Variants in ANK3 observed in about 807,000 individuals in gnomAD.
ANK3 encodes the protein ankyrin-3.
In ANK3, 57 loss-of-function variants were observed where a neutral mutation model predicts 370.9. That is an observed-to-expected ratio of 0.15 (90% confidence interval 0.12 to 0.19). The LOEUF is 0.19. Ranked by LOEUF, ANK3 falls within the 10% of genes least tolerant of loss-of-function variation. ANK3 has a pLI of 1.00. For synonymous variants in ANK3, 1,929 were observed against 1,946.3 expected (o/e 0.99, Z 0.23); for missense variants, 4,439 against 5,302.1 (o/e 0.84, Z 5.06).
chr10:60,345,205 AT>A (rs2055169810), intron 1 of ANK3, among the ~76,000 whole-genome samples: 1 of 152,286 alleles, frequency 6.6e-6, no homozygotes, highest in East Asian at 1.9e-4. Context: ...CTGCATTAAC[AT>A]TTTGAAAATA....
intron 18 of ANK3, 125 bp from the exon 19 acceptor site, chr10:60,173,311 T>A (rs2095843711): frequency 1.4e-6 from 1 of 709,458 alleles, no homozygotes; most frequent in Admixed American, 3.2e-5. Context: ...GTTTTTTTCT[T>A]CTCTATATTA....
At chr10:60,082,305 T>C in intron 34 of ANK3, 129 bp from the exon 35 acceptor site, 1 of 893,882 alleles carries the variant, frequency 1.1e-6, no homozygotes. Flanking sequence ...CAAAGCAAAT[T>C]TTAAAAAAAG....
Position 60,322,545 on chromosome 10 carries a change from A to G in ANK3, c.115-42906T>C, listed in dbSNP as rs190561729. On this transcript the variant is annotated intron_variant, in intron 1 of 43. Coordinates refer to ENST00000280772, the MANE Select transcript of ANK3 (RefSeq NM_020987.5). ...GAAAAAAGCACATTCATCCTCCCCA[A>G]GCATTCTCTGTAGCATCCTTTTATC... Among the ~76,000 whole-genome samples, 880 of 152,074 alleles carry G rather than the reference A, an allele frequency of 5.8e-3. 7 individuals carry two copies. The highest frequency in any genetic ancestry group is 0.02 in the African/African-American group (843 of 41,496).
At chr10:60,390,774 A>C (rs2063038670), upstream of ANK3, among the ~76,000 whole-genome samples, 1 of 139,612 alleles carries the variant, frequency 7.2e-6, no homozygotes, top group African/African-American at 2.7e-5. Context: ...ACAAACAACA[A>C]TTTCACCAAG....
intron 7 of ANK3, among the ~76,000 whole-genome samples, chr10:60,250,520 A>G (rs1373751538): frequency 2.0e-5 from 3 of 152,088 alleles, no homozygotes; most frequent in South Asian, 2.1e-4. Flanking sequence ...GCCTGCCACC[A>G]CGCCCAGCTA....
At chr10:60,316,793 G>A (rs1308711647) in intron 1 of ANK3, among the ~76,000 whole-genome samples, 1 of 151,916 alleles carries the variant, frequency 6.6e-6, no homozygotes, top group Non-Finnish European at 1.5e-5. Flanking sequence ...TGTCACCCAG[G>A]CTGGAGTGCA....
At chr10:60,178,388 C>T (rs368912879) in intron 18 of ANK3, among the ~76,000 whole-genome samples, 3 of 152,086 alleles carry the variant, frequency 2.0e-5, no homozygotes, top group African/African-American at 7.2e-5. Context: ...TTTTTCTGTG[C>T]CTCAGTTTCC....
intron 29 of ANK3, among the ~76,000 whole-genome samples, chr10:60,087,450 G>A (rs546983861): frequency 6.6e-5 from 10 of 152,228 alleles, no homozygotes; most frequent in South Asian, 6.2e-4. Context: ...AGGTGGTCTC[G>A]TTAGTGCTAA....
At chr10:60,250,709 C>T (rs1367746074) in intron 7 of ANK3, among the ~76,000 whole-genome samples, 3 of 152,176 alleles carry the variant, frequency 2.0e-5, no homozygotes, top group Non-Finnish European at 4.4e-5. Flanking sequence ...CTTTTAGAGA[C>T]AAGCCTGCCT....
chr10:60,181,625 G>GC (rs1220642801), intron 17 of ANK3, among the ~76,000 whole-genome samples, 198 bp from the exon 18 acceptor site: 1 of 152,096 alleles, frequency 6.6e-6, no homozygotes, highest in Non-Finnish European at 1.5e-5. Flanking sequence ...GACCAGCCTG[G>GC]CCAACATGGC....
intron 2 of ANK3, among the ~76,000 whole-genome samples, chr10:60,602,333 T>G (rs1172367928): frequency 6.6e-6 from 1 of 152,134 alleles, no homozygotes; most frequent in Non-Finnish European, 1.5e-5. Context: ...AATGGAAGGT[T>G]GGCAGTGGGC....
rs181925217 is a variant in ANK3, at chr10:60,082,589, C to T, written c.4323+26G>A. 159 of 1,606,812 alleles carry T rather than the reference C, an allele frequency of 9.9e-5. No homozygotes were observed. In the African/African-American group the frequency reaches 2.0e-3, roughly 20 times the overall value. ...CCACTTCTTCAAGACCAGGGAAAGA[C>T]AATTTAAAGCAGTATTAAAAGATAC... is the stretch of plus-strand genomic sequence containing the variant. On this transcript the variant is annotated intron_variant, in intron 34 of 43. Transcript: ENST00000280772.
chr10:60,686,127 G>A (rs1218301593), intron 1 of ANK3, among the ~76,000 whole-genome samples: 1 of 152,092 alleles, frequency 6.6e-6, no homozygotes, highest in African/African-American at 2.4e-5. Flanking sequence ...AAATAAGTGT[G>A]TATGGAGGTC....
At chr10:60,173,244 A>C (rs1591244519) in intron 18 of ANK3, 58 bp from the exon 19 acceptor site, 1 of 1,351,256 alleles carries the variant, frequency 7.4e-7, no homozygotes, top group East Asian at 2.5e-5. Context: ...ACTAACAGCT[A>C]TCCTAAACAG....
chr10:60,629,690 A>G (rs1485098899), intron 1 of ANK3, among the ~76,000 whole-genome samples: 2 of 152,316 alleles, frequency 1.3e-5, no homozygotes, highest in East Asian at 3.9e-4. Flanking sequence ...AAACAAAATC[A>G]GTGTTCAAAG....
intron 8 of ANK3, among the ~76,000 whole-genome samples, chr10:60,234,271 G>C (rs901605394): frequency 6.6e-6 from 1 of 152,098 alleles, no homozygotes; most frequent in Non-Finnish European, 1.5e-5. Context: ...TCATATGTTA[G>C]CTCTATTTTT....
At chr10:60,100,511 TCAGA>T (rs1160473207) in intron 28 of ANK3, among the ~76,000 whole-genome samples, 1 of 152,166 alleles carries the variant, frequency 6.6e-6, no homozygotes, top group East Asian at 1.9e-4. Flanking sequence ...GTTTATGTAG[TCAGA>T]CAGTAAATTT....
At chr10:60,674,979 C>A (rs1485028575) in intron 1 of ANK3, among the ~76,000 whole-genome samples, 1 of 152,140 alleles carries the variant, frequency 6.6e-6, no homozygotes, top group Non-Finnish European at 1.5e-5. Flanking sequence ...GGCAAGTTGA[C>A]CTCAAAAGAA....
At chr10:60,426,667 T>G (rs2063895040) in intron 2 of ANK3, among the ~76,000 whole-genome samples, 1 of 152,060 alleles carries the variant, frequency 6.6e-6, no homozygotes, top group Non-Finnish European at 1.5e-5. Context: ...AAAAAGAAAC[T>G]CTATCAATCC....
Sources: allele counts gnomAD v4.1 joint callset (sites outside exome capture counted in the v4.1 genomes callset), GRCh38; gene constraint gnomAD v4.1.1; transcripts MANE v1.5; gene names NCBI Gene and HGNC (gene_info 2026-07-23, HGNC 2026-07-21).